FAM222A: variants seen among roughly 807,000 people sequenced by gnomAD.
The protein encoded by FAM222A is protein FAM222A.
FAM222A carries 7 observed loss-of-function variants against 25.8 expected under a neutral mutation model. That is an observed-to-expected ratio of 0.27 (90% confidence interval 0.15 to 0.51). The LOEUF (loss-of-function observed/expected upper bound fraction) is 0.51, where lower values mean the gene tolerates loss of function less well. FAM222A is among the 20% of genes least tolerant of loss of function. The probability of loss-of-function intolerance (pLI) is 0.97; values close to 1 mark genes in which losing one functional copy is unlikely to be tolerated. For synonymous variants in FAM222A, 294 were observed against 298.8 expected (o/e 0.98, Z 0.17); for missense variants, 573 against 640.5 (o/e 0.89, Z 1.14).
intron 1 of FAM222A, chr12:109,734,695 T>C (rs1055980292): frequency 1.3e-5 from 2 of 151,790 alleles, no homozygotes; most frequent in African/African-American, 4.8e-5. Flanking sequence ...AAAAGGAAAA[T>C]TCCCCAGTTA....
chr12:109,745,222 C>A (rs1192805714), intron 2 of FAM222A, among the ~76,000 whole-genome samples: 1 of 152,172 alleles, frequency 6.6e-6, no homozygotes, highest in Admixed American at 6.5e-5. Flanking sequence ...TGTATGGAGA[C>A]GCATATTTTA....
Position 109,744,172 on chromosome 12 carries a change from A to C in FAM222A, c.26A>C (p.Gln9Pro). 1 of 1,613,456 alleles carries C rather than the reference A, an allele frequency of 6.2e-7. No homozygotes were observed. The highest frequency in any genetic ancestry group is 1.7e-5 in the Admixed American group (1 of 60,030). ...ATGCTGGCCTGTCTGCAGAGGACCC[A>C]GAACGCCCCGGGCCAACACCTGGCC... The part of the protein sequence containing the change: MLACLQRT[Q>P]NAPGQHLACP... The change falls in exon 2 of 3, where the codon CAG (glutamine) becomes CCG (proline). Residue 9 changes from glutamine to proline, a missense_variant. Coordinates refer to ENST00000538780, the MANE Select transcript of FAM222A (RefSeq NM_032829.3).
intron 1 of FAM222A, among the ~76,000 whole-genome samples, chr12:109,732,997 A>G (rs1249708718): frequency 6.6e-6 from 1 of 152,224 alleles, no homozygotes; most frequent in Non-Finnish European, 1.5e-5. Flanking sequence ...TGCTGTGGTG[A>G]TGGGACAATG....
At chr12:109,764,415 TTTCTTC>T (rs891536094) in intron 2 of FAM222A, among the ~76,000 whole-genome samples, 10 of 152,298 alleles carry the variant, frequency 6.6e-5, no homozygotes, top group African/African-American at 2.2e-4. Flanking sequence ...ACTCCTTTTT[TTTCTTC>T]TTCTTCTTAA....
intron 2 of FAM222A, among the ~76,000 whole-genome samples, chr12:109,760,840 T>C (rs1168726762): frequency 6.6e-6 from 1 of 152,106 alleles, no homozygotes; most frequent in Non-Finnish European, 1.5e-5. Context: ...TCCAGGGGCC[T>C]GCGGGAAGGA....
intron 1 of FAM222A, 136 bp downstream of exon 1, chr12:109,715,033 C>A: frequency 6.6e-6 from 1 of 152,550 alleles, no homozygotes. Flanking sequence ...CCCCTTTCCT[C>A]CCTCCAAACA....
rs568319733 is a variant in FAM222A, at chr12:109,751,052, G to A, written c.82+6824G>A. ...GCTTGTATTTTAGTTTCCTTCCTTG[G>A]GGACTCCAGTTAAGCACATATTGGC... On this transcript the variant is annotated intron_variant, in intron 2 of 2. Coordinates refer to ENST00000538780, the MANE Select transcript of FAM222A (RefSeq NM_032829.3). 1.1e-4 allele frequency among the ~76,000 whole-genome samples: 17 copies of A among 152,072 alleles called. No homozygotes were observed. The South Asian group carries it at 3.3e-3, about 30-fold the overall frequency.
chr12:109,724,002 T>C (rs1023962779), intron 1 of FAM222A, among the ~76,000 whole-genome samples: 2 of 152,260 alleles, frequency 1.3e-5, no homozygotes, highest in Non-Finnish European at 2.9e-5. Context: ...CCAAGGTTTT[T>C]CTAGCTGGAA....
At chr12:109,765,118 C>A (rs1384863984) in intron 2 of FAM222A, among the ~76,000 whole-genome samples, 1 of 152,264 alleles carries the variant, frequency 6.6e-6, no homozygotes, top group East Asian at 1.9e-4. Context: ...TGCCTAGGCT[C>A]ATAGGCCTGC....
At chr12:109,722,961 C>CT (rs1447061529) in intron 1 of FAM222A, 1 of 117,068 alleles carries the variant, frequency 8.5e-6, no homozygotes, top group Non-Finnish European at 1.6e-5. Context: ...AGATAACAAG[C>CT]TATTTTTATG....
At chr12:109,723,262 A>G (rs953965611) in intron 1 of FAM222A, among the ~76,000 whole-genome samples, 2 of 152,140 alleles carry the variant, frequency 1.3e-5, no homozygotes, top group Non-Finnish European at 2.9e-5. Context: ...AGATATTCTT[A>G]GTATTTGCCT....
At chr12:109,740,637 T>C (rs561129735) in intron 1 of FAM222A, among the ~76,000 whole-genome samples, 1 of 152,340 alleles carries the variant, frequency 6.6e-6, no homozygotes, top group Non-Finnish European at 1.5e-5. Flanking sequence ...TGACCTTGTT[T>C]GGGACGCTTG....
At chr12:109,749,095 T>C (rs1274549133) in intron 2 of FAM222A, among the ~76,000 whole-genome samples, 2 of 152,080 alleles carry the variant, frequency 1.3e-5, no homozygotes, top group Non-Finnish European at 2.9e-5. Context: ...GTGTTTTGTG[T>C]GTGTGTTTGT....
chr12:109,761,283 C>T lies in FAM222A; in HGVS notation c.83-6729C>T, dbSNP rs569923613. ...CTCTTCCCAGGAGCAGAAGCTGCCT[C>T]ACCAAGGTGGGTGGCGAGCCAGAAG... On this transcript the variant is annotated intron_variant, in intron 2 of 2. Transcript: ENST00000538780. 1.5e-4 allele frequency among the ~76,000 whole-genome samples: 23 copies of T among 152,250 alleles called. No homozygotes were observed. In the South Asian group the frequency reaches 2.5e-3, roughly 16 times the overall value.
At chr12:109,761,239 GC>G (rs562744581) in intron 2 of FAM222A, among the ~76,000 whole-genome samples, 2 of 151,946 alleles carry the variant, frequency 1.3e-5, no homozygotes, top group Admixed American at 1.3e-4. Flanking sequence ...CTGTAAGGCT[GC>G]CCCCCCAGGC....
chr12:109,750,745 G>T (rs774069974), intron 2 of FAM222A, among the ~76,000 whole-genome samples: 11 of 151,434 alleles, frequency 7.3e-5, no homozygotes, highest in Non-Finnish European at 1.5e-4. Context: ...ATTCAGAACG[G>T]TCTCTCTATT....
At chr12:109,737,967 GGA>G (rs1421712449) in intron 1 of FAM222A, among the ~76,000 whole-genome samples, 1 of 152,094 alleles carries the variant, frequency 6.6e-6, no homozygotes, top group East Asian at 1.9e-4. Context: ...AAGCGGGGTG[GGA>G]GAGAGAGGAA....
intron 1 of FAM222A, among the ~76,000 whole-genome samples, chr12:109,715,669 C>T (rs1017450606): frequency 6.6e-6 from 1 of 152,170 alleles, no homozygotes; most frequent in African/African-American, 2.4e-5. Context: ...GCCAGCTGTC[C>T]CTGTTGATGC....
intron 2 of FAM222A, among the ~76,000 whole-genome samples, chr12:109,762,991 C>T (rs1418498214): frequency 1.3e-5 from 2 of 152,222 alleles, no homozygotes; most frequent in Admixed American, 6.5e-5. Flanking sequence ...CTCAGGGCCA[C>T]CAGCTGGAGG....
Sources: gnomAD v4.1 joint callset for allele counts (sites outside exome capture counted in the v4.1 genomes callset) on GRCh38, gnomAD v4.1.1 for gene constraint, MANE v1.5 for transcripts, NCBI Gene and HGNC (gene_info 2026-07-23, HGNC 2026-07-21) for gene names.